FRMD6: variants seen among roughly 807,000 people sequenced by gnomAD.
The protein encoded by FRMD6 is FERM domain containing 6.
A neutral mutation model predicts 73.2 loss-of-function variants in FRMD6; 37 were observed. The ratio of observed to expected loss-of-function variants is 0.51; its 90% CI spans 0.39 to 0.66. The LOEUF (loss-of-function observed/expected upper bound fraction) is 0.66. Among genes scored for constraint, FRMD6 ranks in the 30% least tolerant of loss-of-function variants. FRMD6 has a pLI of 0.00. For missense variants in FRMD6, 714 were observed against 780.5 expected, an observed-to-expected ratio of 0.91 and a Z score of 1.02; for synonymous variants, 273 against 282.2, an observed-to-expected ratio of 0.97 and a Z score of 0.33.
chr14:51,715,989 G>A (rs935234028), intron 10 of FRMD6, among the ~76,000 whole-genome samples: 1 of 152,174 alleles, frequency 6.6e-6, no homozygotes, highest in African/African-American at 2.4e-5. Flanking sequence ...ATTGACGGCT[G>A]GGAGGCCCCC....
upstream of FRMD6, among the ~76,000 whole-genome samples, chr14:51,484,990 C>T (rs908198870): frequency 1.3e-5 from 2 of 152,222 alleles, no homozygotes; most frequent in African/African-American, 4.8e-5. Flanking sequence ...GCCTATGATG[C>T]TTCTGCCTCA....
the FRMD6 span, among the ~76,000 whole-genome samples, chr14:51,478,424 T>C: frequency 6.6e-6 from 1 of 152,266 alleles, no homozygotes; most frequent in Non-Finnish European, 1.5e-5. Flanking sequence ...AGTTTTCTAA[T>C]TTGATGTTTT....
chr14:51,477,362 A>G, the FRMD6 span, among the ~76,000 whole-genome samples: 1 of 152,174 alleles, frequency 6.6e-6, no homozygotes, highest in Non-Finnish European at 1.5e-5. Context: ...AGGCTGTAGG[A>G]ATTCATTTTC....
chr14:51,715,673 T>C (rs1897200187), intron 10 of FRMD6, among the ~76,000 whole-genome samples, 174 bp downstream of exon 10: 1 of 152,212 alleles, frequency 6.6e-6, no homozygotes, highest in Non-Finnish European at 1.5e-5. Context: ...AGGGTTAGGC[T>C]TGAGCCCCAC....
intron 1 of FRMD6, among the ~76,000 whole-genome samples, chr14:51,501,251 G>A (rs999578103): frequency 1.3e-5 from 2 of 152,140 alleles, no homozygotes; most frequent in African/African-American, 4.8e-5. Context: ...TGTGCAGGAT[G>A]TGCAGGTTTG....
chr14:51,657,128 A>C (rs975465028), intron 1 of FRMD6, among the ~76,000 whole-genome samples: 1 of 152,006 alleles, frequency 6.6e-6, no homozygotes, highest in African/African-American at 2.4e-5. Flanking sequence ...TTTTCAGATG[A>C]TTTTTCTCTC....
intron 1 of FRMD6, among the ~76,000 whole-genome samples, chr14:51,672,771 C>G (rs1894101492): frequency 6.6e-6 from 1 of 152,008 alleles, no homozygotes; most frequent in African/African-American, 2.4e-5. Flanking sequence ...TCCATCTTAT[C>G]TATGTTTTCG....
chr14:51,697,076 TAGTAC>T (rs1235756544), intron 2 of FRMD6, among the ~76,000 whole-genome samples: 1 of 152,150 alleles, frequency 6.6e-6, no homozygotes, highest in African/African-American at 2.4e-5. Context: ...GAATGTAAAT[TAGTAC>T]AGACATTATG....
chr14:51,538,830 T>A (rs528589772), intron 1 of FRMD6, among the ~76,000 whole-genome samples: 1 of 152,338 alleles, frequency 6.6e-6, no homozygotes, highest in East Asian at 1.9e-4. Context: ...TTGGGAAATA[T>A]GTCCTCTGCT....
At chr14:51,585,939 G>GTGTGTGTGTGTGTGTGTATATATATA in intron 2 of FRMD6, among the ~76,000 whole-genome samples, 3 of 31,416 alleles carry the variant, frequency 9.5e-5, no homozygotes, top group Middle Eastern at 0.012. Flanking sequence ...GTGTGTGTGT[G>GTGTGTGTGTGTGTGTGTATATATATA]TATATATATA....
chr14:51,635,411 AG>A (rs1446793586), intron 2 of FRMD6, among the ~76,000 whole-genome samples: 1 of 152,202 alleles, frequency 6.6e-6, no homozygotes, highest in Non-Finnish European at 1.5e-5. Context: ...AACAAAAAGG[AG>A]GCAGAGTCTA....
intron 2 of FRMD6, among the ~76,000 whole-genome samples, chr14:51,591,991 TCA>T (rs1381936453): frequency 6.6e-6 from 1 of 152,234 alleles, no homozygotes; most frequent in East Asian, 1.9e-4. Context: ...TTTTGCAGTC[TCA>T]CACTATCATG....
intron 11 of FRMD6, 151 bp from the exon 12 acceptor site, chr14:51,721,798 A>G (rs1418815087): frequency 8.8e-6 from 5 of 568,300 alleles, no homozygotes; most frequent in Non-Finnish European, 1.4e-5. Context: ...GTACCTGTTG[A>G]AAATGGTCCC....
Position 51,517,490 on chromosome 14 carries a change from G to A in FRMD6, c.-210+28070G>A, listed in dbSNP as rs552090439. ...TAGAAACCAATAAGAATCTAGAAAT[G>A]TAGGTGTTTGAGTAAGATAAATTTA... On this transcript the variant is annotated intron_variant, in intron 1 of 14. Transcript: ENST00000356218. Among the ~76,000 whole-genome samples, 10 of 152,256 alleles carry A rather than the reference G, an allele frequency of 6.6e-5. 1 individual carries two copies. Among genetic ancestry groups the A allele is most frequent in the African/African-American group, 2.2e-4 (9 of 41,552 alleles).
chr14:51,697,819 T>G (rs1896047069), intron 2 of FRMD6, among the ~76,000 whole-genome samples: 1 of 152,168 alleles, frequency 6.6e-6, no homozygotes, highest in Non-Finnish European at 1.5e-5. Context: ...ATAAATATTT[T>G]TAGTAATCTG....
chr14:51,566,241 C>T (rs1887768725), intron 1 of FRMD6, among the ~76,000 whole-genome samples: 1 of 152,188 alleles, frequency 6.6e-6, no homozygotes. Flanking sequence ...CATTCCAGTA[C>T]CAGCATGAAA....
chr14:51,689,942 A>G lies in FRMD6; in HGVS notation c.99+7A>G. The G allele has an allele frequency of 6.4e-7, 1 of 1,558,210 alleles. No individual in the cohort carries two copies. Among genetic ancestry groups the G allele is most frequent in the Non-Finnish European group, 8.9e-7 (1 of 1,128,924 alleles). On this transcript the variant is annotated splice_region_variant and intron_variant, in intron 2 of 13. Coordinates refer to ENST00000344768, the MANE Select transcript of FRMD6 (RefSeq NM_001267046.2). ...TCTGAACATCATCATAAATGTGAGT[A>G]GATCCAGTTTTAGAAATGTCTAAAT...
the FRMD6 span, among the ~76,000 whole-genome samples, chr14:51,398,565 T>G: frequency 6.6e-6 from 1 of 152,200 alleles, no homozygotes; most frequent in Non-Finnish European, 1.5e-5. Flanking sequence ...ATTGCATTTT[T>G]TTTTTGCATA....
In FRMD6 at chr14:51,651,954, T is replaced by C. The variant is rs1163749529; in HGVS notation, c.-189T>C. 6.6e-6 allele frequency: 1 copy of C among 151,630 alleles called. No individual in the cohort carries two copies. The highest frequency in any genetic ancestry group is 2.4e-5 in the African/African-American group (1 of 41,174). 9.4% of individuals were successfully genotyped at this position (151,630 alleles called of 1,614,324 possible). A position where few individuals can be genotyped will look rare whatever the true frequency, so the allele number is the denominator to read the frequency against. Reference sequence around the variant, plus strand: ...GCGCCGGTAGGAAGAGTCAGAGGGGTGACCAGAGAGCCCAACGCCTGGTGC... The same window carrying C: ...GCGCCGGTAGGAAGAGTCAGAGGGGCGACCAGAGAGCCCAACGCCTGGTGC... On this transcript the variant is annotated 5_prime_UTR_variant, in exon 1 of 14. Coordinates refer to ENST00000344768, the MANE Select transcript of FRMD6 (RefSeq NM_001267046.2).
Sources: allele counts gnomAD v4.1 joint callset (sites outside exome capture counted in the v4.1 genomes callset), GRCh38; gene constraint gnomAD v4.1.1; transcripts MANE v1.5; gene names NCBI Gene and HGNC (gene_info 2026-07-23, HGNC 2026-07-21).